Variants in KIF1B observed in about 807,000 individuals in gnomAD.
KIF1B encodes the protein kinesin family member 1B.
In KIF1B, 76 loss-of-function variants were observed where a neutral mutation model predicts 241.9. That is an observed-to-expected ratio of 0.31 (90% CI 0.26 to 0.38). The LOEUF (loss-of-function observed/expected upper bound fraction) is 0.38, where lower values mean the gene tolerates loss of function less well. Among genes scored for constraint, KIF1B ranks in the 10% least tolerant of loss-of-function variants. The pLI is 1.00. For synonymous variants in KIF1B, 750 were observed against 796.7 expected, an observed-to-expected ratio of 0.94 and a Z score of 0.99; for missense variants, 1,622 against 2,271.4, an observed-to-expected ratio of 0.71 and a Z score of 5.81.
At chr1:10,309,929 C>T (rs1650996179) in intron 22 of KIF1B, among the ~76,000 whole-genome samples, 1 of 151,406 alleles carries the variant, frequency 6.6e-6, no homozygotes, top group East Asian at 1.9e-4. Flanking sequence ...CAAGTTTCTT[C>T]CCACCTCTGG....
Position 10,252,492 on chromosome 1 carries a change from C to T in KIF1B, c.107-3755C>T, listed in dbSNP as rs893993290. ...GTGGCACAATCTTGGCTAACTGCAG[C>T]CTGGACCTCCCTGGGCTCAGGTGAT... On this transcript the variant is annotated intron_variant, in intron 2 of 48. Transcript: ENST00000676179. Among the ~76,000 whole-genome samples the T allele has an allele frequency of 3.9e-5, 6 of 151,972 alleles. No homozygotes were observed. In the East Asian group the frequency reaches 1.2e-3, roughly 29 times the overall value.
chr1:10,361,165 A>C, intron 39 of KIF1B, 122 bp downstream of exon 39: 1 of 738,680 alleles, frequency 1.4e-6, no homozygotes, highest in Non-Finnish European at 2.5e-6. Context: ...CCACATCCTT[A>C]AGTTTTTCAT....
chr1:10,270,148 T>G (rs1387320480), intron 7 of KIF1B, among the ~76,000 whole-genome samples: 1 of 152,158 alleles, frequency 6.6e-6, no homozygotes, highest in African/African-American at 2.4e-5. Flanking sequence ...TTGACGTATT[T>G]GTATACCTGT....
In KIF1B at chr1:10,256,289, T is replaced by A. The variant is rs759145971; in HGVS notation, c.149T>A (p.Phe50Tyr). The change falls in exon 3 of 49, where the codon TTC (phenylalanine) becomes TAC (tyrosine). Residue 50 changes from phenylalanine (F) to tyrosine (Y), a missense_variant. Physicochemically the swap from Phe to Tyr is conservative, Grantham distance 22. Transcript: ENST00000676179. ...AATCCAAAGGAAGCTCCAAAGTCCTTCAGCTTCGACTATTCCTACTGGTCT... is the reference window on the plus strand; with the variant it reads ...AATCCAAAGGAAGCTCCAAAGTCCTACAGCTTCGACTATTCCTACTGGTCT... The part of the protein sequence containing the change: ...PKNPKEAPKS[F>Y]SFDYSYWSHT... 6.2e-7 allele frequency: 1 copy of A among 1,612,624 alleles called. No individual in the cohort carries two copies. The highest frequency in any genetic ancestry group is 1.1e-5 in the South Asian group (1 of 91,056).
At chr1:10,271,424 A>G in intron 7 of KIF1B, 78 bp from the exon 8 acceptor site, 1 of 1,041,064 alleles carries the variant, frequency 9.6e-7, no homozygotes, top group Non-Finnish European at 1.5e-6. Context: ...ATCTTTTAAA[A>G]AGCATTCTGC....
At chr1:10,348,194 A>G (rs1652656396) in intron 36 of KIF1B, among the ~76,000 whole-genome samples, 3 of 152,198 alleles carry the variant, frequency 2.0e-5, no homozygotes, top group Admixed American at 2.0e-4. Context: ...GAAGGTTTCA[A>G]TGGACTAAAA....
At chr1:10,314,510 CCTGGG>C (rs1253634133) in intron 22 of KIF1B, among the ~76,000 whole-genome samples, 2 of 150,686 alleles carry the variant, frequency 1.3e-5, no homozygotes, top group Non-Finnish European at 3.0e-5. Context: ...ACCTCCACTT[CCTGGG>C]CTCAAGTGAT....
At chr1:10,298,600 A>C (rs998027768) in intron 22 of KIF1B, among the ~76,000 whole-genome samples, 2 of 152,144 alleles carry the variant, frequency 1.3e-5, no homozygotes, top group African/African-American at 4.8e-5. Flanking sequence ...AGTGGCTTGA[A>C]AGGTTTGTGA....
rs147899812 is a variant in KIF1B, at chr1:10,349,309, C to T, written c.3949+576C>T. Among the ~76,000 whole-genome samples the T allele has an allele frequency of 5.7e-3, 871 of 152,072 alleles. 13 individuals are homozygous for T. Among genetic ancestry groups the T allele is most frequent in the African/African-American group, 0.02 (829 of 41,478 alleles). ...AATTAGCTGGGCATGGTGGCACGCA[C>T]CTGTAGTCTTGGCTACTCGGGAGGC... On this transcript the variant is annotated intron_variant, in intron 37 of 48. Coordinates refer to ENST00000676179, the MANE Select transcript of KIF1B (RefSeq NM_001365951.3).
chr1:10,295,034 C>G, intron 17 of KIF1B, 52 bp from the exon 18 acceptor site: 1 of 1,194,106 alleles, frequency 8.4e-7, no homozygotes, highest in Non-Finnish European at 1.3e-6. Flanking sequence ...GTTGTTACCA[C>G]AGCTCTCTCA....
In KIF1B at chr1:10,347,799, C is replaced by T. The variant is rs771740779; in HGVS notation, c.3836C>T (p.Pro1279Leu). The T allele has an allele frequency of 6.2e-7, 1 of 1,613,298 alleles. No individual in the cohort carries two copies. Among genetic ancestry groups the T allele is most frequent in the African/African-American group, 1.3e-5 (1 of 74,912 alleles). ...PAVVDHTAGL[P>L]CQGTFLLHQG... ...GTGGTTGACCACACAGCAGGCTTGC[C>T]TTGCCAGGGGACATTTTTGCTTCAT... is the stretch of plus-strand genomic sequence containing the variant. Residue 1279 changes from proline to leucine, a missense_variant, in exon 36 of 49, where the codon CCT becomes CTT. This residue lies in a region of KIF1B where 803 missense variants were observed against 1,112.0 expected (regional missense o/e 0.72). Coordinates refer to ENST00000676179, the MANE Select transcript of KIF1B (RefSeq NM_001365951.3).
intron 31 of KIF1B, among the ~76,000 whole-genome samples, chr1:10,339,159 A>G (rs1373928707): frequency 1.3e-5 from 2 of 152,218 alleles, no homozygotes; most frequent in East Asian, 1.9e-4. Flanking sequence ...TGTTTTAACA[A>G]ATCTTTCCAG....
intron 2 of KIF1B, among the ~76,000 whole-genome samples, chr1:10,237,949 C>A (rs1457417035): frequency 1.3e-5 from 2 of 151,794 alleles, no homozygotes; most frequent in Non-Finnish European, 2.9e-5. Context: ...GTCAAGGCTG[C>A]GGTGAGCCGT....
At chr1:10,232,683 T>C (rs746119336) in intron 2 of KIF1B, among the ~76,000 whole-genome samples, 10 of 152,206 alleles carry the variant, frequency 6.6e-5, no homozygotes, top group Non-Finnish European at 1.0e-4. Flanking sequence ...GTGTTTATGC[T>C]TATTAAGTTG....
chr1:10,310,001 G>T (rs1650999848), intron 22 of KIF1B, among the ~76,000 whole-genome samples: 1 of 151,244 alleles, frequency 6.6e-6, no homozygotes, highest in Non-Finnish European at 1.5e-5. Context: ...TTCCAGACTT[G>T]AGCTCCTCAG....
chr1:10,215,297 C>T (rs1646754189), intron 1 of KIF1B, among the ~76,000 whole-genome samples: 1 of 149,772 alleles, frequency 6.7e-6, no homozygotes, highest in Non-Finnish European at 1.5e-5. Context: ...CTGCCTCAGC[C>T]TCCCTAGTAG....
chr1:10,242,130 G>A (rs1250680858), intron 2 of KIF1B, among the ~76,000 whole-genome samples: 1 of 152,108 alleles, frequency 6.6e-6, no homozygotes, highest in African/African-American at 2.4e-5. Flanking sequence ...AGGAAATTAG[G>A]TTTTTGTTAT....
chr1:10,213,139 T>C (rs1192917582), intron 1 of KIF1B, among the ~76,000 whole-genome samples: 1 of 151,662 alleles, frequency 6.6e-6, no homozygotes, highest in East Asian at 1.9e-4. Flanking sequence ...TAGAAGTATT[T>C]CTAAGTTTTT....
chr1:10,219,263 C>G (rs1159024457), intron 1 of KIF1B, among the ~76,000 whole-genome samples: 1 of 150,954 alleles, frequency 6.6e-6, no homozygotes, highest in Non-Finnish European at 1.5e-5. Flanking sequence ...GAGTTTGAGA[C>G]CAGCCTAACC....
Sources: allele counts gnomAD v4.1 joint callset (sites outside exome capture counted in the v4.1 genomes callset), GRCh38; gene constraint gnomAD v4.1.1; regional missense constraint gnomAD v4.1.1; transcripts MANE v1.5; gene names NCBI Gene and HGNC (gene_info 2026-07-23, HGNC 2026-07-21).